SLC14A2: variants seen among roughly 807,000 people sequenced by gnomAD.
The protein encoded by SLC14A2 is urea transporter 2.
SLC14A2 carries 91 observed loss-of-function variants against 104.6 expected under a neutral mutation model. The ratio of observed to expected loss-of-function variants is 0.87; its 90% CI spans 0.73 to 1.04. The LOEUF (loss-of-function observed/expected upper bound fraction) is 1.04, where lower values mean the gene tolerates loss of function less well. Among genes scored for constraint, SLC14A2 ranks in the 50% least tolerant of loss-of-function variants. The probability of loss-of-function intolerance (pLI) is 0.00; values close to 1 mark genes in which losing one functional copy is unlikely to be tolerated. For synonymous variants in SLC14A2, 476 were observed against 466.4 expected (o/e 1.02, Z -0.27); for missense variants, 1,189 against 1,156.0 (o/e 1.03, Z -0.41).
At chr18:45,535,070 C>T (rs1246056936) in intron 2 of SLC14A2, among the ~76,000 whole-genome samples, 1 of 152,160 alleles carries the variant, frequency 6.6e-6, no homozygotes. Context: ...GATACCTGAT[C>T]CTTTGTGAAG....
At chr18:45,312,913 G>T (rs567527906) in intron 1 of SLC14A2, among the ~76,000 whole-genome samples, 1 of 152,282 alleles carries the variant, frequency 6.6e-6, no homozygotes, top group African/African-American at 2.4e-5. Flanking sequence ...CAGGGTTCTT[G>T]CCCCAAGACC....
chr18:45,200,954 G>T, the SLC14A2 span, among the ~76,000 whole-genome samples: 1 of 151,828 alleles, frequency 6.6e-6, no homozygotes, highest in Non-Finnish European at 1.5e-5. Flanking sequence ...CCTATCCAGG[G>T]TACCACATTA....
chr18:45,532,350 A>G (rs2043706950), intron 2 of SLC14A2, among the ~76,000 whole-genome samples: 1 of 152,172 alleles, frequency 6.6e-6, no homozygotes, highest in South Asian at 2.1e-4. Context: ...ATGTTCTTCC[A>G]TTTGTTTGTA....
intron 1 of SLC14A2, among the ~76,000 whole-genome samples, chr18:45,257,902 G>A (rs1014951011): frequency 1.3e-5 from 2 of 152,132 alleles, no homozygotes; most frequent in African/African-American, 2.4e-5. Flanking sequence ...AACATCCTCT[G>A]GGAGAAATAT....
Position 45,644,110 on chromosome 18 carries a change from G to T in SLC14A2, c.1301G>T (p.Arg434Leu). The change falls in exon 10 of 20, where the codon CGC becomes CTC. Residue 434 changes from arginine (R) to leucine (L), a missense_variant. Arg to Leu is a moderately radical substitution (Grantham distance 102, BLOSUM62 -2). Coordinates refer to ENST00000255226, the MANE Select transcript of SLC14A2 (RefSeq NM_007163.4). Reference sequence around the variant, plus strand: ...AAAGTCACCTACCCCGAGGCCAACCGCATCTACTACCTGACAGTGAAAAGC... The same window carrying T: ...AAAGTCACCTACCCCGAGGCCAACCTCATCTACTACCTGACAGTGAAAAGC... ...LSKVTYPEAN[R>L]IYYLTVKSGE... The T allele has an allele frequency of 6.2e-7, 1 of 1,614,166 alleles. No individual in the cohort carries two copies. Among genetic ancestry groups the T allele is most frequent in the Non-Finnish European group, 8.5e-7 (1 of 1,180,018 alleles).
chr18:45,399,355 T>C (rs1423117818), intron 1 of SLC14A2, among the ~76,000 whole-genome samples: 1 of 152,192 alleles, frequency 6.6e-6, no homozygotes, highest in African/African-American at 2.4e-5. Flanking sequence ...GAGCGTGAGA[T>C]TGTGGGCACT....
intron 11 of SLC14A2, 24 bp from the exon 12 acceptor site, chr18:45,666,112 TG>T: frequency 6.4e-7 from 1 of 1,558,264 alleles, no homozygotes; most frequent in Non-Finnish European, 8.9e-7. Context: ...TCCTAACTGA[TG>T]GTGCTCTTTC....
chr18:45,527,445 G>T (rs1419147368), intron 2 of SLC14A2, among the ~76,000 whole-genome samples: 2 of 152,302 alleles, frequency 1.3e-5, no homozygotes, highest in South Asian at 2.1e-4. Flanking sequence ...TAAGATAAAA[G>T]CAAGAAGACA....
intron 1 of SLC14A2, among the ~76,000 whole-genome samples, chr18:45,274,368 T>TC (rs1420954590): frequency 1.8e-4 from 28 of 152,364 alleles, no homozygotes; most frequent in African/African-American, 6.7e-4. Flanking sequence ...AGGGTTTTTT[T>TC]CTTCTACTTT....
upstream of SLC14A2, chr18:45,615,410 T>G (rs1276454339): frequency 6.6e-6 from 1 of 152,106 alleles, no homozygotes; most frequent in Non-Finnish European, 1.5e-5. Flanking sequence ...CATGCTGTTC[T>G]CGTGATAGTG....
chr18:45,536,522 A>G (rs1034791772), intron 2 of SLC14A2, among the ~76,000 whole-genome samples: 1 of 152,090 alleles, frequency 6.6e-6, no homozygotes, highest in Non-Finnish European at 1.5e-5. Context: ...CTGTCTTCAC[A>G]TGGCCTTCTC....
chr18:45,587,386 G>C (rs1450324465), intron 2 of SLC14A2, among the ~76,000 whole-genome samples: 3 of 152,166 alleles, frequency 2.0e-5, no homozygotes, highest in Non-Finnish European at 4.4e-5. Flanking sequence ...CAACACCAGG[G>C]TTGAGAACCC....
At chr18:45,461,597 G>A (rs1052604468) in intron 1 of SLC14A2, among the ~76,000 whole-genome samples, 3 of 152,140 alleles carry the variant, frequency 2.0e-5, no homozygotes, top group African/African-American at 7.2e-5. Flanking sequence ...TAAAGAGGTC[G>A]TTCTGAAGCA....
chr18:45,513,241 G>T (rs2043392719), intron 2 of SLC14A2, among the ~76,000 whole-genome samples: 2 of 152,160 alleles, frequency 1.3e-5, no homozygotes, highest in African/African-American at 2.4e-5. Flanking sequence ...AACTGTTTCT[G>T]TGTGCCTCTG....
chr18:45,482,626 A>G, intron 1 of SLC14A2: 1 of 152,246 alleles, frequency 6.6e-6, no homozygotes, highest in East Asian at 1.9e-4. Flanking sequence ...CAGACAGTTG[A>G]TGACATGGCA....
chr18:45,354,013 T>C (rs748044728), intron 1 of SLC14A2, among the ~76,000 whole-genome samples: 1 of 152,198 alleles, frequency 6.6e-6, no homozygotes, highest in Non-Finnish European at 1.5e-5. Flanking sequence ...CCCTTCACCA[T>C]GAGAAAGAGG....
At chr18:45,358,515 G>A (rs1033973427) in intron 1 of SLC14A2, among the ~76,000 whole-genome samples, 1 of 152,116 alleles carries the variant, frequency 6.6e-6, no homozygotes, top group Non-Finnish European at 1.5e-5. Context: ...AGTCCTATTG[G>A]CCCACTAGAG....
intron 1 of SLC14A2, among the ~76,000 whole-genome samples, chr18:45,283,483 G>A (rs1486211892): frequency 6.7e-6 from 1 of 149,998 alleles, no homozygotes; most frequent in Admixed American, 6.6e-5. Flanking sequence ...GATAAAAGTG[G>A]AAGCTATTAA....
chr18:45,235,997 A>G (rs2084232057), intron 1 of SLC14A2, among the ~76,000 whole-genome samples: 1 of 67,678 alleles, frequency 1.5e-5, no homozygotes, highest in African/African-American at 9.1e-5. Context: ...GTGTATATAT[A>G]CATATATGTG....
Sources: gnomAD v4.1 joint callset for allele counts (sites outside exome capture counted in the v4.1 genomes callset) on GRCh38, gnomAD v4.1.1 for gene constraint, MANE v1.5 for transcripts, NCBI Gene and HGNC (gene_info 2026-07-23, HGNC 2026-07-21) for gene names.